Variants in GALNT15 observed in about 807,000 individuals in gnomAD.
The protein encoded by GALNT15 is polypeptide N-acetylgalactosaminyltransferase 15.
Under a neutral mutation model 66.8 loss-of-function variants are expected in GALNT15, and 67 were observed. That is an observed-to-expected ratio of 1.00 (90% confidence interval 0.82 to 1.23). The LOEUF (loss-of-function observed/expected upper bound fraction) is 1.23, where lower values mean the gene tolerates loss of function less well. GALNT15 is among the 50% of genes most tolerant of loss of function. The pLI, the probability that GALNT15 is intolerant of heterozygous loss-of-function variation, is 0.00. For synonymous variants in GALNT15, 313 were observed against 311.5 expected (o/e 1.00, Z -0.05); for missense variants, 827 against 804.3 (o/e 1.03, Z -0.34).
chr3:16,247,097 AGTGTGTGTGTGT>A, the GALNT15 span, among the ~76,000 whole-genome samples: 26 of 144,898 alleles, frequency 1.8e-4, 1 homozygote, highest in East Asian at 3.3e-3. Context: ...CAAAGACTGT[AGTGTGTGTGTGT>A]GTGTGTGTGT....
intron 1 of GALNT15, among the ~76,000 whole-genome samples, chr3:16,190,637 CAA>C (rs34205852): frequency 2.2e-3 from 216 of 98,624 alleles, no homozygotes; most frequent in East Asian, 6.1e-3. Context: ...GACTCCGTAT[CAA>C]AAAAAAAAAA....
Position 16,186,017 on chromosome 3 carries a change from GA to G in GALNT15, c.540-9742del, listed in dbSNP as rs1000486269. Among the ~76,000 whole-genome samples the G allele has an allele frequency of 7.9e-5, 12 of 152,118 alleles. No individual in the cohort carries two copies. Among genetic ancestry groups the G allele is most frequent in the African/African-American group, 2.9e-4 (12 of 41,416 alleles). ...TCAAGAAAGTGAAAAGACAATCCAA[GA>G]GTAGAAGAAAATGTTTGTAAGTCCT... On this transcript the variant is annotated intron_variant, in intron 1 of 9. Coordinates refer to ENST00000339732, the MANE Select transcript of GALNT15 (RefSeq NM_054110.5). The surrounding 1 kb of genome is among the most constrained non-coding windows in gnomAD (Gnocchi z 5.1).
chr3:16,175,550 G>T lies in GALNT15; in HGVS notation c.399G>T (p.Arg133Ser). The T allele has an allele frequency of 1.2e-6, 2 of 1,614,026 alleles. No homozygotes were observed. Among genetic ancestry groups the T allele is most frequent in the Non-Finnish European group, 1.7e-6 (2 of 1,179,960 alleles). The change falls in exon 1 of 10, where the codon AGG becomes AGT. Residue 133 changes from arginine (R) to serine (S), a missense_variant. Transcript: ENST00000339732. The surrounding 1 kb of genome is among the most constrained non-coding windows in gnomAD (Gnocchi z 5.6). ...PRRQDKEAPK[R>S]DWGADEDGEV... The stretch of plus-strand genomic sequence containing the variant: ...GGCAGGATAAGGAAGCCCCAAAGAG[G>T]GACTGGGGGGCTGATGAGGACGGGG...
the GALNT15 span, among the ~76,000 whole-genome samples, chr3:16,247,148 C>T: frequency 6.7e-6 from 1 of 149,062 alleles, no homozygotes; most frequent in African/African-American, 2.5e-5. Context: ...GTTTGTAAGA[C>T]CTTCTGCTAA....
Position 16,228,621 on chromosome 3 carries a change from A to G in GALNT15, c.*1121A>G. Reference sequence around the variant, plus strand: ...ATGCCATTGCACTCCAACCTGGGTGACAGAGTGAGACTCCATCTCAAAAAA... The same window carrying G: ...ATGCCATTGCACTCCAACCTGGGTGGCAGAGTGAGACTCCATCTCAAAAAA... On this transcript the variant is annotated 3_prime_UTR_variant, in exon 10 of 10. Transcript: ENST00000339732. 1.0e-6 allele frequency: 1 copy of G among 965,278 alleles called. No homozygotes were observed. Among genetic ancestry groups the G allele is most frequent in the Non-Finnish European group, 1.2e-6 (1 of 821,244 alleles). The allele number at this position is 965,278 out of a possible 1,614,324, so 59.8% of individuals were successfully genotyped here.
At chr3:16,194,615 T>A (rs1018823871) in intron 1 of GALNT15, among the ~76,000 whole-genome samples, 2 of 152,104 alleles carry the variant, frequency 1.3e-5, no homozygotes, top group East Asian at 3.8e-4. Flanking sequence ...ATAAAGAAAA[T>A]GTGGTACATA....
rs2063569641 is a variant in GALNT15 at position 16,190,869 on chromosome 3, T to G, written c.540-4891T>G. Among the ~76,000 whole-genome samples the G allele has an allele frequency of 2.6e-5, 4 of 152,236 alleles. No individual in the cohort carries two copies. The South Asian group carries it at 8.3e-4, about 32-fold the overall frequency. ...TTTCCACGGTGATTTTCAGCTCTGG[T>G]CTCCAGGCAGTTCTGCAGTTGCAGA... is the stretch of plus-strand genomic sequence containing the variant. On this transcript the variant is annotated intron_variant, in intron 1 of 9. Transcript: ENST00000339732.
chr3:16,199,436 A>G (rs944059261), intron 2 of GALNT15, among the ~76,000 whole-genome samples: 1 of 141,450 alleles, frequency 7.1e-6, no homozygotes, highest in Non-Finnish European at 1.6e-5. Context: ...CTGCAATGAG[A>G]TCTCTTTGAC....
intron 1 of GALNT15, among the ~76,000 whole-genome samples, chr3:16,190,395 T>C (rs1376306614): frequency 6.6e-6 from 1 of 152,094 alleles, no homozygotes; most frequent in Non-Finnish European, 1.5e-5. Flanking sequence ...TCCCAGCACT[T>C]TGGGAGGCCG....
rs547459952 is a variant in GALNT15 at position 16,205,022 on chromosome 3, A to T, written c.912-3481A>T. ...GTCAGGATGCCTCCTGCCCCCCCAG[A>T]GGGAGCAGCCTTCTTTGGCTCAGGT... On this transcript the variant is annotated intron_variant, in intron 3 of 9. Coordinates refer to ENST00000339732, the MANE Select transcript of GALNT15 (RefSeq NM_054110.5). 7.9e-5 allele frequency among the ~76,000 whole-genome samples: 12 copies of T among 152,282 alleles called. No individual in the cohort carries two copies. In the South Asian group the frequency reaches 1.9e-3, roughly 24 times the overall value.
At chr3:16,212,226 G>A (rs920412854) in intron 5 of GALNT15, among the ~76,000 whole-genome samples, 2 of 151,932 alleles carry the variant, frequency 1.3e-5, no homozygotes, top group Admixed American at 1.3e-4. Flanking sequence ...TTTCCCTGAG[G>A]AAGTGTCCTT....
At chr3:16,221,407 A>C (rs954386847) in intron 8 of GALNT15, among the ~76,000 whole-genome samples, 1 of 152,196 alleles carries the variant, frequency 6.6e-6, no homozygotes, top group African/African-American at 2.4e-5. Flanking sequence ...CGAGTTTATA[A>C]GAAAGAAAGG....
intron 6 of GALNT15, among the ~76,000 whole-genome samples, chr3:16,215,916 A>AAAAC (rs1553687146): frequency 2.8e-5 from 4 of 143,454 alleles, no homozygotes; most frequent in East Asian, 2.2e-4. Flanking sequence ...CAAAAAAAAA[A>AAAAC]AAAAAAAAAG....
At chr3:16,178,999 A>G (rs1294739785) in intron 1 of GALNT15, among the ~76,000 whole-genome samples, 1 of 152,224 alleles carries the variant, frequency 6.6e-6, no homozygotes, top group East Asian at 1.9e-4. Context: ...CCCAGGCCAC[A>G]GGCCTTTTTC....
chr3:16,192,436 C>G (rs1336143436), intron 1 of GALNT15, among the ~76,000 whole-genome samples: 1 of 152,190 alleles, frequency 6.6e-6, no homozygotes, highest in Non-Finnish European at 1.5e-5. Context: ...AAATAGCCAG[C>G]CTCCCGGCAA....
chr3:16,207,371 G>A (rs2063767386), intron 3 of GALNT15, among the ~76,000 whole-genome samples: 1 of 152,050 alleles, frequency 6.6e-6, no homozygotes, highest in African/African-American at 2.4e-5. Context: ...GCCAGGGGGA[G>A]AAAATGTGAT....
the GALNT15 span, among the ~76,000 whole-genome samples, chr3:16,241,573 G>A: frequency 8.3e-4 from 127 of 152,130 alleles, 1 homozygote; most frequent in Middle Eastern, 0.014. This position sits in a 1 kb window ranked among gnomAD's most constrained non-coding sequence, Gnocchi z 4.6. Context: ...TTTTGAGATG[G>A]AGTCTCATTC....
chr3:16,213,070 T>C (rs2063834321), intron 6 of GALNT15, among the ~76,000 whole-genome samples: 1 of 152,062 alleles, frequency 6.6e-6, no homozygotes, highest in South Asian at 2.1e-4. Context: ...AGCGATGAGA[T>C]GGGTCTCCAA....
downstream of GALNT15, among the ~76,000 whole-genome samples, chr3:16,235,577 A>C (rs545549202): frequency 6.9e-4 from 105 of 152,340 alleles, no homozygotes; most frequent in African/African-American, 2.5e-3. Context: ...GAGATGATCA[A>C]GAAGGTATCT....
Sources: allele counts gnomAD v4.1 joint callset (sites outside exome capture counted in the v4.1 genomes callset), GRCh38; gene constraint gnomAD v4.1.1; non-coding constraint Gnocchi (gnomAD v3.1); transcripts MANE v1.5; gene names NCBI Gene and HGNC (gene_info 2026-07-23, HGNC 2026-07-21).